PXDNL: variants seen among roughly 807,000 people sequenced by gnomAD.
The protein encoded by PXDNL is peroxidasin like, also known as probable oxidoreductase PXDNL.
PXDNL carries 145 observed loss-of-function variants against 150.8 expected under a neutral mutation model. That is an observed-to-expected ratio of 0.96 (90% CI 0.84 to 1.10). PXDNL has a LOEUF of 1.10. Among genes scored for constraint, PXDNL ranks in the 50% least tolerant of loss-of-function variants. The probability of loss-of-function intolerance (pLI) is 0.00; values close to 1 mark genes in which losing one functional copy is unlikely to be tolerated. For synonymous variants in PXDNL, 757 were observed against 725.7 expected (o/e 1.04, Z -0.69); for missense variants, 2,087 against 1,873.9 (o/e 1.11, Z -2.10).
chr8:51,419,714 A>G (rs1443195175), intron 14 of PXDNL, among the ~76,000 whole-genome samples: 2 of 152,214 alleles, frequency 1.3e-5, no homozygotes, highest in Non-Finnish European at 2.9e-5. Context: ...AGGGAGTGTT[A>G]CAGTAAGTTA....
intron 4 of PXDNL, among the ~76,000 whole-genome samples, chr8:51,517,434 T>C (rs1382971966): frequency 2.6e-5 from 4 of 152,200 alleles, no homozygotes; most frequent in Non-Finnish European, 5.9e-5. Flanking sequence ...AATAATGGTA[T>C]ATATAATAAT....
chr8:51,472,148 G>T (rs756053259), intron 8 of PXDNL, 39 bp downstream of exon 8: 2 of 1,312,428 alleles, frequency 1.5e-6, no homozygotes, highest in East Asian at 4.6e-5. Flanking sequence ...GCTGGAATCA[G>T]AAGGAGAATC....
rs1163628780 is a variant in PXDNL, at chr8:51,350,354, C to CTTTTTTTTTTTTTTTTTTT, written c.3902-4426_3902-4408dup. Reference sequence around the variant, plus strand: ...AGTCTTTTATTAGCAAATGCAGCTTCTTTTTTTTTTTTTTTTTTTTTTGAG... The same window carrying CTTTTTTTTTTTTTTTTTTT: ...AGTCTTTTATTAGCAAATGCAGCTTCTTTTTTTTTTTTTTTTTTTTTTTTTTTTTTTTTTTTTTTTTGAG... On this transcript the variant is annotated intron_variant, in intron 19 of 22. Coordinates refer to ENST00000356297, the MANE Select transcript of PXDNL (RefSeq NM_144651.5). 1.3e-4 allele frequency among the ~76,000 whole-genome samples: 10 copies of CTTTTTTTTTTTTTTTTTTT among 77,892 alleles called. 1 individual carries two copies. Among genetic ancestry groups the CTTTTTTTTTTTTTTTTTTT allele is most frequent in the African/African-American group, 2.6e-4 (5 of 19,156 alleles). 51.1% of individuals were successfully genotyped at this position (77,892 alleles called of 152,430 possible).
At chr8:51,567,815 T>C (rs113262363) in intron 3 of PXDNL, among the ~76,000 whole-genome samples, 6 of 151,930 alleles carry the variant, frequency 3.9e-5, no homozygotes, top group African/African-American at 1.2e-4. Flanking sequence ...ATATAACCTA[T>C]GCACATCCTC....
intron 2 of PXDNL, among the ~76,000 whole-genome samples, chr8:51,606,841 T>C (rs1304147260): frequency 6.6e-6 from 1 of 152,304 alleles, no homozygotes; most frequent in East Asian, 1.9e-4. Flanking sequence ...ATACAACACA[T>C]AGCAACTTGG....
intron 3 of PXDNL, among the ~76,000 whole-genome samples, chr8:51,563,922 T>G (rs1243634581): frequency 6.6e-6 from 1 of 151,888 alleles, no homozygotes. Flanking sequence ...TATGTGAAAA[T>G]AAAAATGCAA....
intron 1 of PXDNL, among the ~76,000 whole-genome samples, chr8:51,769,233 G>A (rs1267216255): frequency 4.6e-5 from 7 of 152,208 alleles, no homozygotes; most frequent in Non-Finnish European, 8.8e-5. Flanking sequence ...GGGAAGATAT[G>A]CTAACTGCTC....
rs1028699156 is a variant in PXDNL, at chr8:51,762,324, G to GA, written c.164+46856dup. Among the ~76,000 whole-genome samples the GA allele has an allele frequency of 1.8e-4, 28 of 152,216 alleles. 1 individual carries two copies. The highest frequency in any genetic ancestry group is 1.7e-3 in the Admixed American group (26 of 15,282). On this transcript the variant is annotated intron_variant, in intron 1 of 22. Coordinates refer to ENST00000356297, the MANE Select transcript of PXDNL (RefSeq NM_144651.5). ...AATTATCCTGCAAAGTCTCTTGTGG[G>GA]AAAAATCCACATTCTATAGAGAATC... is the stretch of plus-strand genomic sequence containing the variant.
intron 12 of PXDNL, among the ~76,000 whole-genome samples, chr8:51,434,850 T>C (rs1428161813): frequency 6.6e-6 from 1 of 152,194 alleles, no homozygotes; most frequent in African/African-American, 2.4e-5. Context: ...TAGCATTCTA[T>C]AGATTGCCTC....
chr8:51,491,074 C>T (rs1810881584), intron 5 of PXDNL, among the ~76,000 whole-genome samples: 1 of 152,108 alleles, frequency 6.6e-6, no homozygotes, highest in Non-Finnish European at 1.5e-5. Context: ...CGTAAAAAGA[C>T]TAGACTGGCT....
intron 5 of PXDNL, among the ~76,000 whole-genome samples, chr8:51,484,703 G>A (rs539286033): frequency 1.6e-4 from 25 of 152,230 alleles, no homozygotes; most frequent in Admixed American, 5.9e-4. Context: ...GGAAGGTGGC[G>A]GGAGTAGGAG....
intron 17 of PXDNL, among the ~76,000 whole-genome samples, chr8:51,385,478 G>T (rs1028489722): frequency 2.0e-5 from 3 of 152,112 alleles, no homozygotes; most frequent in African/African-American, 7.2e-5. Flanking sequence ...AGAAATTAAA[G>T]ATTAACTTTC....
intron 2 of PXDNL, among the ~76,000 whole-genome samples, chr8:51,647,210 A>G (rs1176601165): frequency 6.6e-6 from 1 of 152,140 alleles, no homozygotes; most frequent in African/African-American, 2.4e-5. Context: ...CCTTAGAGCC[A>G]AGAAATATCT....
chr8:51,726,649 A>G (rs1338842903), intron 1 of PXDNL, among the ~76,000 whole-genome samples: 1 of 152,216 alleles, frequency 6.6e-6, no homozygotes, highest in Non-Finnish European at 1.5e-5. Flanking sequence ...AGAATGTTCA[A>G]CGTTACATGA....
At chr8:51,728,401 A>C (rs1462141310) in intron 1 of PXDNL, among the ~76,000 whole-genome samples, 1 of 152,132 alleles carries the variant, frequency 6.6e-6, no homozygotes, top group Non-Finnish European at 1.5e-5. Flanking sequence ...GTCCTTCAAA[A>C]TGTGTTCCAG....
At chr8:51,482,719 C>T (rs1181574105) in intron 6 of PXDNL, among the ~76,000 whole-genome samples, 7 of 152,182 alleles carry the variant, frequency 4.6e-5, no homozygotes, top group East Asian at 1.9e-4. Flanking sequence ...CCTGCACAGG[C>T]TCTCTTGCCT....
rs190281368 is a variant in PXDNL at position 51,651,743 on chromosome 8, A to C, written c.236+2946T>G. ...GGGCTCAATCATCTTTTTTATAAGC[A>C]TGACTGTGTTGTCCAGAATTGAATT... On this transcript the variant is annotated intron_variant, in intron 2 of 22. Transcript: ENST00000356297. Among the ~76,000 whole-genome samples, 680 of 152,270 alleles carry C rather than the reference A, an allele frequency of 4.5e-3. 5 individuals carry two copies. The highest frequency in any genetic ancestry group is 6.8e-3 in the Middle Eastern group (2 of 294).
chr8:51,425,777 G>A (rs1487237539), intron 13 of PXDNL, among the ~76,000 whole-genome samples: 10 of 151,552 alleles, frequency 6.6e-5, no homozygotes, highest in African/African-American at 2.4e-4. Flanking sequence ...AGCCGAGATC[G>A]CGCCACTGCA....
At chr8:51,524,071 C>G (rs952989240) in intron 4 of PXDNL, among the ~76,000 whole-genome samples, 8 of 152,198 alleles carry the variant, frequency 5.3e-5, no homozygotes, top group Non-Finnish European at 1.0e-4. Flanking sequence ...GTGGCACCAC[C>G]CATACGATGG....
Sources: allele counts gnomAD v4.1 joint callset (sites outside exome capture counted in the v4.1 genomes callset), GRCh38; gene constraint gnomAD v4.1.1; transcripts MANE v1.5; gene names NCBI Gene and HGNC (gene_info 2026-07-23, HGNC 2026-07-21).